TRRAP: variants seen among roughly 807,000 people sequenced by gnomAD.
TRRAP encodes transformation/transcription domain associated protein.
A neutral mutation model predicts 438.8 loss-of-function variants in TRRAP; 41 were observed. The observed-to-expected ratio is 0.09, with a 90% CI of 0.07 to 0.12. The LOEUF (loss-of-function observed/expected upper bound fraction) is 0.12, where lower values mean the gene tolerates loss of function less well. TRRAP is among the 10% of genes least tolerant of loss of function. The pLI, the probability that TRRAP is intolerant of heterozygous loss-of-function variation, is 1.00. For synonymous variants in TRRAP, 1,994 were observed against 1,962.9 expected (o/e 1.02, Z -0.42); for missense variants, 3,122 against 5,055.1 (o/e 0.62, Z 11.60).
At chr7:98,896,824 A>T (rs189975117) in intron 7 of TRRAP, among the ~76,000 whole-genome samples, 1 of 152,354 alleles carries the variant, frequency 6.6e-6, no homozygotes, top group African/African-American at 2.4e-5. Context: ...AAGTCCTGCC[A>T]CCTGCCCTCC....
intron 39 of TRRAP, 59 bp downstream of exon 39, chr7:98,951,063 G>GTA: frequency 8.5e-7 from 1 of 1,175,964 alleles, no homozygotes; most frequent in African/African-American, 1.9e-5. Context: ...GAACATCTGT[G>GTA]TGTGTGTGTG....
At chr7:98,968,437 C>A (rs1217636881) in intron 51 of TRRAP, among the ~76,000 whole-genome samples, 1 of 152,154 alleles carries the variant, frequency 6.6e-6, no homozygotes, top group East Asian at 1.9e-4. Context: ...TTAACATGCT[C>A]AGTGTTATGA....
rs781926275 is a variant in TRRAP at position 98,953,382 on chromosome 7, C to T, written c.5679C>T (p.Leu1893=). ...DPACKYSGHL[L]LAHIIAKFAI... ...CCTGCAAGTACAGCGGACACTTGCTCCTGGCGCACATTATCGCCAAATTCG... is the reference window on the plus strand; with the variant it reads ...CCTGCAAGTACAGCGGACACTTGCTTCTGGCGCACATTATCGCCAAATTCG... Residue 1893 remains leucine (L), a synonymous_variant, in exon 40 of 73, where the codon CTC becomes CTT. Coordinates refer to ENST00000456197, the MANE Select transcript of TRRAP (RefSeq NM_001375524.1). The T allele has an allele frequency of 1.2e-6, 2 of 1,613,660 alleles. No individual in the cohort carries two copies. The highest frequency in any genetic ancestry group is 8.5e-7 in the Non-Finnish European group (1 of 1,180,042).
At position 98,961,400 on chromosome 7, in the gene TRRAP, G is replaced by A; in HGVS notation, c.6629G>A (p.Cys2210Tyr). The A allele has an allele frequency of 1.2e-6, 2 of 1,614,216 alleles. No homozygotes were observed. The highest frequency in any genetic ancestry group is 2.2e-5 in the East Asian group (1 of 44,886). Reference protein sequence around the residue: ...LQRGIAACMTCGNTKVLRAVH... With the variant: ...LQRGIAACMTYGNTKVLRAVH... ...CGTGGAATTGCCGCCTGCATGACAT[G>A]TGGAAACACCAAGGTGTTGCGAGCC... The change falls in exon 46 of 73, where the codon TGT (cysteine) becomes TAT (tyrosine). Residue 2210 changes from cysteine to tyrosine, a missense_variant. Around this residue, in one of 24 missense-constraint regions of TRRAP, gnomAD observed 992 missense variants for 1,281.2 expected, o/e 0.77. Transcript: ENST00000456197.
chr7:98,981,084 A>G (rs926489303), intron 58 of TRRAP, among the ~76,000 whole-genome samples: 2 of 152,020 alleles, frequency 1.3e-5, no homozygotes, highest in African/African-American at 2.4e-5. Flanking sequence ...CATACTGGAG[A>G]TTAATATATA....
intron 30 of TRRAP, 27 bp downstream of exon 30, chr7:98,937,847 G>A (rs566367300): frequency 2.5e-6 from 4 of 1,577,946 alleles, no homozygotes; most frequent in Non-Finnish European, 3.4e-6. Context: ...TAAACGCTCT[G>A]TAACAAACTT....
intron 11 of TRRAP, among the ~76,000 whole-genome samples, chr7:98,902,655 T>A (rs1554406834): frequency 1.3e-5 from 2 of 152,182 alleles, no homozygotes; most frequent in Non-Finnish European, 2.9e-5. Flanking sequence ...GCTTGCGTTA[T>A]CTTGGTGAGT....
In TRRAP at chr7:98,959,399, G is replaced by T; in HGVS notation, c.6398G>T (p.Cys2133Phe). The T allele has an allele frequency of 6.2e-7, 1 of 1,614,160 alleles. No individual in the cohort carries two copies. The highest frequency in any genetic ancestry group is 8.5e-7 in the Non-Finnish European group (1 of 1,180,040). The part of the protein sequence containing the change: ...GSPGEVLSRR[C>F]VNLLKTALRP... ...CCTGGGGAGGTGCTCTCTCGCCGGT[G>T]TGTGAACCTTCTGAAGACTGCGTTG... is the stretch of plus-strand genomic sequence containing the variant. The change falls in exon 45 of 73, where the codon TGT becomes TTT. Residue 2133 changes from cysteine to phenylalanine, a missense_variant. Cys to Phe is a radical substitution (Grantham distance 205, BLOSUM62 -2). Coordinates refer to ENST00000456197, the MANE Select transcript of TRRAP (RefSeq NM_001375524.1).
chr7:98,946,961 G>A (rs1791110264), intron 33 of TRRAP, among the ~76,000 whole-genome samples: 1 of 152,242 alleles, frequency 6.6e-6, no homozygotes, highest in Non-Finnish European at 1.5e-5. Context: ...GCATGGAGCT[G>A]GCCTTGAGCC....
chr7:98,917,292 A>G lies in TRRAP; in HGVS notation c.2366-131A>G, dbSNP rs1789558139. ...GACAGATGTAACAGGGTGGAGTCTA[A>G]GGGCACAGAGGTCTCCCTGCAGTTG... On this transcript the variant is annotated intron_variant, in intron 19 of 72. Coordinates refer to ENST00000456197, the MANE Select transcript of TRRAP (RefSeq NM_001375524.1). The G allele has an allele frequency of 3.1e-6, 4 of 1,287,624 alleles. No homozygotes were observed. The South Asian group carries it at 5.7e-5, about 18-fold the overall frequency. 79.8% of individuals were successfully genotyped at this position (1,287,624 alleles called of 1,614,324 possible).
chr7:98,897,626 C>T (rs1796274555), intron 7 of TRRAP, 115 bp from the exon 8 acceptor site: 2 of 1,337,566 alleles, frequency 1.5e-6, no homozygotes, highest in South Asian at 3.0e-5. Context: ...GTAGAACATA[C>T]TGTTTTTTTC....
At position 98,955,285 on chromosome 7, in the gene TRRAP, T is replaced by C. The variant is rs1554419349; in HGVS notation, c.5918T>C (p.Leu1973Pro). ...TVPQLVHILH[L>P]IVQHFKVYYP... ...CCGCAGCTGGTCCACATTCTGCACC[T>C]GATAGTGCAACACTTCAAGGTGTGT... Residue 1973 changes from leucine (L) to proline (P), a missense_variant, in exon 41 of 73, where the codon CTG (leucine) becomes CCG (proline). By Grantham distance (98) the Leu-to-Pro change is moderately conservative. Coordinates refer to ENST00000456197, the MANE Select transcript of TRRAP (RefSeq NM_001375524.1). The C allele has an allele frequency of 6.2e-7, 1 of 1,613,670 alleles. No individual in the cohort carries two copies.
rs1025329782 is a variant in TRRAP, at chr7:98,981,955, C to T, written c.8821C>T (p.Leu2941=). Residue 2941 remains leucine, a synonymous_variant, in exon 59 of 73, where the codon CTA becomes TTA. Transcript: ENST00000456197. ...AGTGTCCCACGTGCACACGCCTCTC[C>T]TACAGGTGCGTGCGGTGCCCCCATG... ...HVVSHVHTPL[L]QAAQQIIELQ... is the part of the protein sequence containing the mutation. 1.9e-6 allele frequency: 3 copies of T among 1,588,640 alleles called. No homozygotes were observed. The South Asian group carries it at 3.4e-5, about 18-fold the overall frequency.
rs867873645 is a variant in TRRAP at position 98,976,800 on chromosome 7, C to G, written c.8247+30C>G. The G allele has an allele frequency of 3.7e-6, 6 of 1,606,696 alleles. No homozygotes were observed. The Middle Eastern group carries it at 5.0e-4, about 133-fold the overall frequency. On this transcript the variant is annotated intron_variant, in intron 55 of 72. Transcript: ENST00000456197. This position sits in a 1 kb window ranked among gnomAD's most constrained non-coding sequence, Gnocchi z 4.6. The stretch of plus-strand genomic sequence containing the variant: ...GGGTGCGCCTCAGTTTGTTAATTAC[C>G]TCTTCCCTGCCAGTGACTTCACACT...
intron 33 of TRRAP, among the ~76,000 whole-genome samples, chr7:98,946,413 C>T (rs781886675): frequency 5.9e-5 from 9 of 152,022 alleles, no homozygotes; most frequent in Non-Finnish European, 1.0e-4. Flanking sequence ...CTCTTGCGTG[C>T]ACACACACCA....
At position 98,892,478 on chromosome 7, in the gene TRRAP, C is replaced by A; in HGVS notation, c.316C>A (p.Leu106Ile). The part of the protein sequence containing the change: ...IIHRIPTNEH[L>I]RPHTKNVLSV... ...TCATAGAATACCAACCAACGAACAT[C>A]TTCGTCCTCACACAAAAAATGTTTT... is the stretch of plus-strand genomic sequence containing the variant. The change falls in exon 5 of 73, where the codon CTT (leucine) becomes ATT (isoleucine). Residue 106 changes from leucine to isoleucine, a missense_variant. By Grantham distance (5) the Leu-to-Ile change is conservative (BLOSUM62 2). This residue lies in a region of TRRAP where 343 missense variants were observed against 564.0 expected (regional missense o/e 0.61). Transcript: ENST00000456197. 1 of 1,612,234 alleles carries A rather than the reference C, an allele frequency of 6.2e-7. No homozygotes were observed. Among genetic ancestry groups the A allele is most frequent in the South Asian group, 1.1e-5 (1 of 90,140 alleles).
chr7:98,913,000 G>C (rs6968950), intron 18 of TRRAP, among the ~76,000 whole-genome samples: 106,535 of 152,078 alleles, frequency 0.7, 41,826 homozygotes, highest in South Asian at 0.88. Flanking sequence ...AGGCAGTGCT[G>C]GGTCTTTTGC....
rs1252717080 is a variant in TRRAP at position 98,908,541 on chromosome 7, G to T, written c.1116-187G>T. On this transcript the variant is annotated intron_variant, in intron 13 of 72. Transcript: ENST00000456197. This position sits in a 1 kb window ranked among gnomAD's most constrained non-coding sequence, Gnocchi z 4.1. ...TTTAGCTTGGAAGGTAAAGATGGAG[G>T]TATCAGTACAAAACTTGAGCCCTCT... 6.6e-6 allele frequency among the ~76,000 whole-genome samples: 1 copy of T among 152,176 alleles called. No homozygotes were observed. Among genetic ancestry groups the T allele is most frequent in the Non-Finnish European group, 1.5e-5 (1 of 68,028 alleles).
Position 98,910,217 on chromosome 7 carries a change from T to TCCCC in TRRAP, c.1512_1513insCCCC (p.Ala505ProfsTer69). ...CTGCTCCCTCCCCAGCCCCTGTCCCTGCCCCACCTCCACCCCCGCCCCCAC... is the reference window on the plus strand; with the variant it reads ...CTGCTCCCTCCCCAGCCCCTGTCCCTCCCCGCCCCACCTCCACCCCCGCCCCCAC... On this transcript the variant is annotated frameshift_variant, in exon 15 of 73. Transcript: ENST00000456197. LOFTEE classifies it high-confidence loss of function. 1 of 1,045,586 alleles carries TCCCC rather than the reference T, an allele frequency of 9.6e-7. No individual in the cohort carries two copies. The highest frequency in any genetic ancestry group is 1.2e-6 in the Non-Finnish European group (1 of 806,028). 64.8% of individuals were successfully genotyped at this position (1,045,586 alleles called of 1,614,324 possible).
Sources: gnomAD v4.1 joint callset for allele counts (sites outside exome capture counted in the v4.1 genomes callset) on GRCh38, gnomAD v4.1.1 for gene constraint, gnomAD v4.1.1 regional missense constraint, Gnocchi (gnomAD v3.1) non-coding constraint, MANE v1.5 for transcripts, NCBI Gene and HGNC (gene_info 2026-07-23, HGNC 2026-07-21) for gene names.